ADAMTS19: variants seen among roughly 807,000 people sequenced by gnomAD.
The protein encoded by ADAMTS19 is A disintegrin and metalloproteinase with thrombospondin motifs 19.
ADAMTS19 carries 93 observed loss-of-function variants against 153.3 expected under a neutral mutation model. The observed-to-expected ratio is 0.61, with a 90% confidence interval of 0.51 to 0.72. ADAMTS19 has a LOEUF of 0.72. Ranked by LOEUF, ADAMTS19 falls within the 30% of genes least tolerant of loss-of-function variation. The pLI is 0.00. For missense variants in ADAMTS19, 1,482 were observed against 1,552.1 expected, an observed-to-expected ratio of 0.95 and a Z score of 0.76; for synonymous variants, 600 against 556.6, an observed-to-expected ratio of 1.08 and a Z score of -1.10.
chr5:129,641,285 T>A (rs930552879), intron 10 of ADAMTS19, among the ~76,000 whole-genome samples: 1 of 152,274 alleles, frequency 6.6e-6, no homozygotes, highest in Non-Finnish European at 1.5e-5. Flanking sequence ...GTAGAAAAAA[T>A]TTCATTGTGT....
intron 2 of ADAMTS19, among the ~76,000 whole-genome samples, chr5:129,474,682 G>T (rs1048142179): frequency 5.1e-5 from 7 of 138,058 alleles, no homozygotes; most frequent in Non-Finnish European, 7.8e-5. Context: ...TCAACTCAAA[G>T]GCTCCTTTAT....
intron 11 of ADAMTS19, among the ~76,000 whole-genome samples, chr5:129,647,461 T>G (rs930096062): frequency 2.0e-5 from 3 of 152,182 alleles, no homozygotes; most frequent in African/African-American, 7.2e-5. Context: ...CTTTCCTGGT[T>G]GTGCAACCTC....
At chr5:129,646,479 T>C (rs947394100) in intron 11 of ADAMTS19, among the ~76,000 whole-genome samples, 1 of 152,096 alleles carries the variant, frequency 6.6e-6, no homozygotes, top group Non-Finnish European at 1.5e-5. Context: ...AAACATATTA[T>C]CAAGTAAATT....
At chr5:129,580,567 G>T (rs947063332) in intron 7 of ADAMTS19, among the ~76,000 whole-genome samples, 8 of 152,104 alleles carry the variant, frequency 5.3e-5, no homozygotes, top group Non-Finnish European at 1.2e-4. Context: ...TTGGCAGTGG[G>T]TTTTTCACAA....
At chr5:129,649,875 C>T (rs1042417994) in intron 13 of ADAMTS19, among the ~76,000 whole-genome samples, 1 of 152,056 alleles carries the variant, frequency 6.6e-6, no homozygotes, top group African/African-American at 2.4e-5. Flanking sequence ...TTGTATGCTG[C>T]CTTATTAGTT....
At position 129,542,827 on chromosome 5, in the gene ADAMTS19, G is replaced by C. The variant is rs145726875; in HGVS notation, c.1329-9037G>C. Among the ~76,000 whole-genome samples, 1,467 of 151,872 alleles carry C rather than the reference G, an allele frequency of 9.7e-3. 16 individuals are homozygous for C. The highest frequency in any genetic ancestry group is 0.033 in the African/African-American group (1,354 of 41,402). On this transcript the variant is annotated intron_variant, in intron 6 of 22. Coordinates refer to ENST00000274487, the MANE Select transcript of ADAMTS19 (RefSeq NM_133638.6). ...AAATTTATTTGCTTTCTTTCCTATT[G>C]ACTTTTTAATAATTTACCAAAAAAT...
intron 8 of ADAMTS19, among the ~76,000 whole-genome samples, chr5:129,608,090 ATGTGTG>A (rs747075161): frequency 3.8e-5 from 4 of 104,542 alleles, no homozygotes; most frequent in Non-Finnish European, 7.2e-5. Flanking sequence ...TTTTATATAT[ATGTGTG>A]TGTGTGTGTG....
At chr5:129,637,097 A>G (rs535479805) in intron 10 of ADAMTS19, among the ~76,000 whole-genome samples, 72 of 152,228 alleles carry the variant, frequency 4.7e-4, no homozygotes, top group Admixed American at 1.2e-3. Context: ...TCAAGATGTC[A>G]TCTTTGCCAT....
rs186497680 is a variant in ADAMTS19 at position 129,643,895 on chromosome 5, A to T, written c.1872+1935A>T. 2.2e-4 allele frequency among the ~76,000 whole-genome samples: 34 copies of T among 152,336 alleles called. No individual in the cohort carries two copies. The East Asian group carries it at 5.6e-3, about 25-fold the overall frequency. On this transcript the variant is annotated intron_variant, in intron 11 of 22. Coordinates refer to ENST00000274487, the MANE Select transcript of ADAMTS19 (RefSeq NM_133638.6). ...AAACTTTGCACCAGCAATCATTTTTATCATCCCTGAAACACAAAAGCAGTA... is the reference window on the plus strand; with the variant it reads ...AAACTTTGCACCAGCAATCATTTTTTTCATCCCTGAAACACAAAAGCAGTA...
chr5:129,490,929 A>AATATTTTC (rs1434083140), intron 2 of ADAMTS19, among the ~76,000 whole-genome samples: 158 of 152,234 alleles, frequency 1.0e-3, no homozygotes, highest in African/African-American at 3.7e-3. Flanking sequence ...CATTTGTGCA[A>AATATTTTC]ATATTTTCAG....
intron 2 of ADAMTS19, among the ~76,000 whole-genome samples, chr5:129,463,659 T>G (rs1016395384): frequency 1.3e-5 from 2 of 152,186 alleles, no homozygotes; most frequent in African/African-American, 4.8e-5. Flanking sequence ...TATGAGCTGG[T>G]GGATAAGGAA....
intron 6 of ADAMTS19, among the ~76,000 whole-genome samples, chr5:129,537,959 A>G (rs1752513041): frequency 6.6e-6 from 1 of 152,060 alleles, no homozygotes; most frequent in African/African-American, 2.4e-5. Context: ...AAAAAGAAAA[A>G]AAAGAGTAGT....
chr5:129,487,341 A>G (rs933937176), intron 2 of ADAMTS19, among the ~76,000 whole-genome samples: 3 of 152,140 alleles, frequency 2.0e-5, no homozygotes, highest in Non-Finnish European at 4.4e-5. Context: ...ATGCATTTCG[A>G]CAATAAATTT....
chr5:129,523,503 T>C (rs1197241280), intron 3 of ADAMTS19, among the ~76,000 whole-genome samples: 1 of 152,192 alleles, frequency 6.6e-6, no homozygotes, highest in African/African-American at 2.4e-5. Context: ...TTTAACAATA[T>C]ACCATGGAGA....
intron 6 of ADAMTS19, among the ~76,000 whole-genome samples, chr5:129,531,643 A>C (rs915263319): frequency 6.6e-6 from 1 of 152,120 alleles, no homozygotes; most frequent in African/African-American, 2.4e-5. Flanking sequence ...AAACAAACAA[A>C]CAAAAAAACC....
rs541892550 is a variant in ADAMTS19 at position 129,674,379 on chromosome 5, T to C, written c.2507-5385T>C. Among the ~76,000 whole-genome samples the C allele has an allele frequency of 3.3e-5, 5 of 152,340 alleles. No homozygotes were observed. The East Asian group carries it at 7.7e-4, about 23-fold the overall frequency. On this transcript the variant is annotated intron_variant, in intron 16 of 22. Transcript: ENST00000274487. ...GTTTTCTTTAGCCTGACAATCTCTC[T>C]TTTAACCAATGTCCTTAGTCCACTT...
chr5:129,623,937 G>A (rs891994872), intron 10 of ADAMTS19, among the ~76,000 whole-genome samples: 5 of 151,126 alleles, frequency 3.3e-5, no homozygotes, highest in African/African-American at 9.7e-5. Context: ...TGGCTAACAC[G>A]GTGAAACCCC....
intron 2 of ADAMTS19, among the ~76,000 whole-genome samples, chr5:129,494,269 C>T (rs1750858888): frequency 6.6e-6 from 1 of 152,100 alleles, no homozygotes; most frequent in African/African-American, 2.4e-5. Flanking sequence ...TCCTGTGGGG[C>T]TACTGATTTT....
At chr5:129,500,663 T>G (rs1751069890) in intron 2 of ADAMTS19, 4 of 152,130 alleles carry the variant, frequency 2.6e-5, no homozygotes, top group Non-Finnish European at 5.9e-5. Context: ...AGCAACAGAT[T>G]ATGAAGCAAA....
Sources: gnomAD v4.1 joint callset for allele counts (sites outside exome capture counted in the v4.1 genomes callset) on GRCh38, gnomAD v4.1.1 for gene constraint, MANE v1.5 for transcripts, NCBI Gene and HGNC (gene_info 2026-07-23, HGNC 2026-07-21) for gene names.